The following BRSK1 variants were observed in gnomAD, a reference collection of about 807,000 sequenced individuals.
BRSK1 encodes the protein BR serine/threonine kinase 1.
BRSK1 carries 17 observed loss-of-function variants against 86.2 expected under a neutral mutation model. The ratio of observed to expected loss-of-function variants is 0.20; its 90% confidence interval spans 0.14 to 0.30. The LOEUF (loss-of-function observed/expected upper bound fraction) is 0.30. Among genes scored for constraint, BRSK1 ranks in the 10% least tolerant of loss-of-function variants. The pLI, the probability that BRSK1 is intolerant of heterozygous loss-of-function variation, is 1.00. For missense variants in BRSK1, 719 were observed against 1,071.9 expected (o/e 0.67, Z 4.60); for synonymous variants, 464 against 440.1 (o/e 1.05, Z -0.68).
In BRSK1 at chr19:55,306,764, A is replaced by G. The variant is rs1316632888; in HGVS notation, c.2089+314A>G. Among the ~76,000 whole-genome samples, 5 of 152,200 alleles carry G rather than the reference A, an allele frequency of 3.3e-5. No individual in the cohort carries two copies. The highest frequency in any genetic ancestry group is 7.3e-5 in the Non-Finnish European group (5 of 68,036). ...AGAAAACTGAGTCATAGGGAGGTCA[A>G]TGGACTTGGCCAGAGTCACACAATA... On this transcript the variant is annotated intron_variant, in intron 17 of 18. Transcript: ENST00000309383. The surrounding 1 kb of genome is among the most constrained non-coding windows in gnomAD (Gnocchi z 4.7).
chr19:55,301,950 G>C (rs1177363804), intron 8 of BRSK1, 187 bp from the exon 9 acceptor site: 5 of 848,330 alleles, frequency 5.9e-6, no homozygotes, highest in African/African-American at 1.7e-5. Flanking sequence ...CGGGGTACAC[G>C]GAGACCGCGC....
rs1038199308 is a variant in BRSK1, at chr19:55,310,945, TGAC to T, written c.2180-965_2180-963del. ...GGCCTCCGAGTCACCGTGGTTGCTA[TGAC>T]AAGCCCCCCAGTTTTTGTTTTTGTT... On this transcript the variant is annotated intron_variant, in intron 18 of 18. Transcript: ENST00000309383. The surrounding 1 kb of genome is among the most constrained non-coding windows in gnomAD (Gnocchi z 5.0). Among the ~76,000 whole-genome samples, 10 of 152,070 alleles carry T rather than the reference TGAC, an allele frequency of 6.6e-5. No individual in the cohort carries two copies. The highest frequency in any genetic ancestry group is 1.5e-5 in the Non-Finnish European group (1 of 67,986).
chr19:55,301,934 C>T lies in BRSK1; in HGVS notation c.826-203C>T. 5.0e-6 allele frequency: 4 copies of T among 802,364 alleles called. No homozygotes were observed. The Admixed American group carries it at 5.7e-5, about 11-fold the overall frequency. 49.7% of individuals were successfully genotyped at this position (802,364 alleles called of 1,614,324 possible). ...CTGCGCATGCGGCAAAGTAATGCGG[C>T]CGGTCCGGGGTACACGGAGACCGCG... On this transcript the variant is annotated intron_variant, in intron 8 of 18. Transcript: ENST00000309383.
At chr19:55,296,553 G>C (rs1369163614) in intron 7 of BRSK1, among the ~76,000 whole-genome samples, 1 of 151,794 alleles carries the variant, frequency 6.6e-6, no homozygotes, top group Non-Finnish European at 1.5e-5. Flanking sequence ...AGTTAAGAAA[G>C]TAGCCAGGCA....
At position 55,306,521 on chromosome 19, in the gene BRSK1, G is replaced by A; in HGVS notation, c.2089+71G>A. 1.3e-6 allele frequency: 2 copies of A among 1,541,826 alleles called. No individual in the cohort carries two copies. Among genetic ancestry groups the A allele is most frequent in the Non-Finnish European group, 1.8e-6 (2 of 1,129,042 alleles). On this transcript the variant is annotated intron_variant, in intron 17 of 18. Coordinates refer to ENST00000309383, the MANE Select transcript of BRSK1 (RefSeq NM_032430.2). The surrounding 1 kb of genome is among the most constrained non-coding windows in gnomAD (Gnocchi z 4.7). ...TCACGACAGCTGAGACAGTGTAGGG[G>A]CCCAGGAGTGCAGCAGCAGGAGGAG...
rs977057435 is a variant in BRSK1 at position 55,303,231 on chromosome 19, G to T, written c.1029-80G>T. 1.8e-6 allele frequency: 2 copies of T among 1,128,274 alleles called. No homozygotes were observed. The highest frequency in any genetic ancestry group is 2.7e-6 in the Non-Finnish European group (2 of 743,348). The allele number at this position is 1,128,274 out of a possible 1,614,324, so 69.9% of individuals were successfully genotyped here. ...AACCATGGGCAGAAATACAGGGAGC[G>T]GAGGAGACCTCCTCTGAGCATTGAT... On this transcript the variant is annotated intron_variant, in intron 10 of 18. Coordinates refer to ENST00000309383, the MANE Select transcript of BRSK1 (RefSeq NM_032430.2). The surrounding 1 kb of genome is among the most constrained non-coding windows in gnomAD (Gnocchi z 5.1).
Position 55,306,354 on chromosome 19 carries a change from G to T in BRSK1, c.1993G>T (p.Val665Leu). Reference protein sequence around the residue: ...SVFQKPVRFQVDISSSEGPEP... With the variant: ...SVFQKPVRFQLDISSSEGPEP... ...CTTCCAAAAGCCCGTCCGCTTCCAG[G>T]TGGACATCAGCTCCTCTGAGGGTCC... The change falls in exon 17 of 19, where the codon GTG becomes TTG. Residue 665 changes from valine to leucine, a missense_variant. By Grantham distance (32) the Val-to-Leu change is conservative. Coordinates refer to ENST00000309383, the MANE Select transcript of BRSK1 (RefSeq NM_032430.2). The surrounding 1 kb of genome is among the most constrained non-coding windows in gnomAD (Gnocchi z 4.7). 7 of 1,614,056 alleles carry T rather than the reference G, an allele frequency of 4.3e-6. No individual in the cohort carries two copies. The highest frequency in any genetic ancestry group is 5.9e-6 in the Non-Finnish European group (7 of 1,180,032).
intron 3 of BRSK1, among the ~76,000 whole-genome samples, chr19:55,288,863 GCATA>G (rs1287618555): frequency 7.9e-5 from 12 of 152,146 alleles, no homozygotes; most frequent in Non-Finnish European, 1.5e-5. Context: ...GGGATTACAG[GCATA>G]AGCCACCGTG....
chr19:55,303,568 C>T lies in BRSK1; in HGVS notation c.1127-99C>T. The stretch of plus-strand genomic sequence containing the variant: ...CTTTGACATTTATCAAATCCCCTCT[C>T]CACTCTAGGCCTGTTTCCCCATGTG... On this transcript the variant is annotated intron_variant, in intron 11 of 18. Coordinates refer to ENST00000309383, the MANE Select transcript of BRSK1 (RefSeq NM_032430.2). The surrounding 1 kb of genome is among the most constrained non-coding windows in gnomAD (Gnocchi z 5.1). 6.7e-7 allele frequency: 1 copy of T among 1,503,030 alleles called. No individual in the cohort carries two copies. Among genetic ancestry groups the T allele is most frequent in the Non-Finnish European group, 9.1e-7 (1 of 1,103,212 alleles). 93.1% of individuals were successfully genotyped at this position (1,503,030 alleles called of 1,614,324 possible). A position where few individuals can be genotyped will look rare whatever the true frequency, so the allele number is the denominator to read the frequency against.
chr19:55,305,668 T>C, intron 16 of BRSK1, 82 bp downstream of exon 16: 1 of 1,580,880 alleles, frequency 6.3e-7, no homozygotes, highest in Non-Finnish European at 8.6e-7. Context: ...CACCTTAGCA[T>C]AGGCCTGGCT....
Position 55,305,364 on chromosome 19 carries a change from C to T in BRSK1, c.1761C>T (p.Ser587=). Residue 587 remains serine (S), a synonymous_variant, in exon 15 of 19, where the codon TCC becomes TCT. Coordinates refer to ENST00000309383, the MANE Select transcript of BRSK1 (RefSeq NM_032430.2). ...EEMSSLTPES[S]PELAKRSWFG... ...TGTCCAGCTTGACGCCAGAGTCCTC[C>T]CCGGAGTGAGTCTCACAGGGAAGGA... is the stretch of plus-strand genomic sequence containing the variant. 3 of 1,614,162 alleles carry T rather than the reference C, an allele frequency of 1.9e-6. No individual in the cohort carries two copies. The highest frequency in any genetic ancestry group is 2.2e-5 in the East Asian group (1 of 44,878).
At chr19:55,309,414 A>G (rs2088730902) in intron 18 of BRSK1, among the ~76,000 whole-genome samples, 1 of 152,218 alleles carries the variant, frequency 6.6e-6, no homozygotes, top group African/African-American at 2.4e-5. Flanking sequence ...CGTTCAGGCT[A>G]CTATAAGAAA....
rs2088653396 is a variant in BRSK1 at position 55,306,525 on chromosome 19, A to G, written c.2089+75A>G. On this transcript the variant is annotated intron_variant, in intron 17 of 18. Coordinates refer to ENST00000309383, the MANE Select transcript of BRSK1 (RefSeq NM_032430.2). The surrounding 1 kb of genome is among the most constrained non-coding windows in gnomAD (Gnocchi z 4.7). ...GACAGCTGAGACAGTGTAGGGGCCC[A>G]GGAGTGCAGCAGCAGGAGGAGGAAA... 6.5e-7 allele frequency: 1 copy of G among 1,539,146 alleles called. No homozygotes were observed. The highest frequency in any genetic ancestry group is 8.9e-7 in the Non-Finnish European group (1 of 1,127,304).
In BRSK1 at chr19:55,302,641, G is replaced by A; in HGVS notation, c.858-56G>A. Reference sequence around the variant, plus strand: ...GGTCCGGGATCATTGAGTCTAGAATGAAGAATGCTGAATCTCAGAAGCCCG... The same window carrying A: ...GGTCCGGGATCATTGAGTCTAGAATAAAGAATGCTGAATCTCAGAAGCCCG... On this transcript the variant is annotated intron_variant, in intron 9 of 18. Transcript: ENST00000309383. This position sits in a 1 kb window ranked among gnomAD's most constrained non-coding sequence, Gnocchi z 6.3. 6.4e-7 allele frequency: 1 copy of A among 1,564,266 alleles called. No individual in the cohort carries two copies. Among genetic ancestry groups the A allele is most frequent in the Non-Finnish European group, 8.7e-7 (1 of 1,150,832 alleles).
chr19:55,301,980 C>G (rs1033384826), intron 8 of BRSK1, 157 bp from the exon 9 acceptor site: 8 of 942,356 alleles, frequency 8.5e-6, no homozygotes, highest in African/African-American at 4.8e-5. Context: ...GCGATGCACT[C>G]AGTCGCCACT....
rs199757709 is a variant in BRSK1, at chr19:55,308,625, G to A, written c.2090-14G>A. 1.9e-5 allele frequency: 31 copies of A among 1,607,428 alleles called. No individual in the cohort carries two copies. Among genetic ancestry groups the A allele is most frequent in the Middle Eastern group, 1.7e-4 (1 of 6,036 alleles). On this transcript the variant is annotated splice_polypyrimidine_tract_variant and intron_variant, in intron 17 of 18. Coordinates refer to ENST00000309383, the MANE Select transcript of BRSK1 (RefSeq NM_032430.2). ...ACCCCCAGTCAGTGTTTTTCTGCCC[G>A]CCTGTGCCTCTAGGTCCCAGCCGTC...
Position 55,284,091 on chromosome 19 carries a change from C to T in BRSK1, c.-352C>T. The stretch of plus-strand genomic sequence containing the variant: ...GGAGGAGAGAGGGCGCGTGGGGGGG[C>T]GGGGGGGACCTCGGCCTGCAGCATC... On this transcript the variant is annotated 5_prime_UTR_variant, in exon 1 of 19. Transcript: ENST00000309383. 1.8e-6 allele frequency: 1 copy of T among 555,028 alleles called. No individual in the cohort carries two copies. Among genetic ancestry groups the T allele is most frequent in the Non-Finnish European group, 2.4e-6 (1 of 418,514 alleles). 34.4% of individuals were successfully genotyped at this position (555,028 alleles called of 1,614,324 possible).
chr19:55,293,325 C>T (rs999258987), intron 4 of BRSK1, among the ~76,000 whole-genome samples: 10 of 151,950 alleles, frequency 6.6e-5, no homozygotes, highest in African/African-American at 2.2e-4. Context: ...AGCGAGACTT[C>T]GTCTCAAAAA....
In BRSK1 at chr19:55,304,252, CA is replaced by C; in HGVS notation, c.1347+145del. The C allele has an allele frequency of 1.1e-6, 1 of 928,104 alleles. No homozygotes were observed. Among genetic ancestry groups the C allele is most frequent in the Non-Finnish European group, 1.6e-6 (1 of 631,362 alleles). The allele number at this position is 928,104 out of a possible 1,614,324, so 57.5% of individuals were successfully genotyped here. ...TGGAGGGCCAAAGACCCAAGGCCTC[CA>C]AAGTATTTTGGTCCATTGGCCATTT... On this transcript the variant is annotated intron_variant, in intron 13 of 18. Transcript: ENST00000309383. This position sits in a 1 kb window ranked among gnomAD's most constrained non-coding sequence, Gnocchi z 5.2.
Sources: allele counts gnomAD v4.1 joint callset (sites outside exome capture counted in the v4.1 genomes callset), GRCh38; gene constraint gnomAD v4.1.1; non-coding constraint Gnocchi (gnomAD v3.1); transcripts MANE v1.5; gene names NCBI Gene and HGNC (gene_info 2026-07-23, HGNC 2026-07-21).